Variants in RTTN observed in about 807,000 individuals in gnomAD.
RTTN encodes rotatin.
RTTN carries 182 observed loss-of-function variants against 269.2 expected under a neutral mutation model. The observed-to-expected ratio is 0.68, with a 90% CI of 0.60 to 0.76. The LOEUF (loss-of-function observed/expected upper bound fraction) is 0.76. RTTN is among the 30% of genes least tolerant of loss of function. The pLI is 0.00. For missense variants in RTTN, 2,545 were observed against 2,608.6 expected (o/e 0.98, Z 0.53); for synonymous variants, 1,006 against 963.5 (o/e 1.04, Z -0.82).
intron 17 of RTTN, among the ~76,000 whole-genome samples, chr18:70,146,126 T>C (rs543590522): frequency 6.6e-6 from 1 of 152,064 alleles, no homozygotes; most frequent in Non-Finnish European, 1.5e-5. Context: ...TTCTCCACCA[T>C]AAAAAGTATC....
rs1311164127 is a variant in RTTN at position 70,168,980 on chromosome 18, G to A, written c.1564C>T (p.His522Tyr). ...TCCAAATAGGCCACAACAGCTTCAT[G>A]AATATTTGGATATTCCAAAGAAATA... ...MPISLEYPNI[H>Y]EAVVAYLEQL... is the part of the protein sequence containing the mutation. Residue 522 changes from histidine to tyrosine, a missense_variant, in exon 12 of 49, where the codon CAT (histidine) becomes TAT (tyrosine). Physicochemically the swap from His to Tyr is moderately conservative, Grantham distance 83. Coordinates refer to ENST00000640769, the MANE Select transcript of RTTN (RefSeq NM_173630.4). 1.2e-6 allele frequency: 2 copies of A among 1,612,804 alleles called. No individual in the cohort carries two copies. Among genetic ancestry groups the A allele is most frequent in the Non-Finnish European group, 1.7e-6 (2 of 1,179,506 alleles).
chr18:70,073,926 G>C lies in RTTN; in HGVS notation c.4633C>G (p.Leu1545Val). The change falls in exon 34 of 49, where the codon CTC becomes GTC. Residue 1545 changes from leucine to valine, a missense_variant. Leu to Val is a conservative substitution (Grantham distance 32). Coordinates refer to ENST00000640769, the MANE Select transcript of RTTN (RefSeq NM_173630.4). The stretch of plus-strand genomic sequence containing the variant: ...AGTACCGTTGTTTCTGAGGTGGAGA[G>C]AGAACTTGGATCTCGATCCTGACTT... The part of the protein sequence containing the change: ...RTSQDRDPSS[L>V]STSETTVAPS... 6.2e-7 allele frequency: 1 copy of C among 1,611,346 alleles called. No homozygotes were observed. The highest frequency in any genetic ancestry group is 8.5e-7 in the Non-Finnish European group (1 of 1,177,958).
intron 46 of RTTN, among the ~76,000 whole-genome samples, chr18:70,017,149 G>A (rs1401347056): frequency 1.3e-5 from 2 of 152,090 alleles, no homozygotes; most frequent in African/African-American, 2.4e-5. Context: ...AGGCCAGGGA[G>A]CCCTCGTCCA....
intron 15 of RTTN, 42 bp downstream of exon 15, chr18:70,150,566 T>G: frequency 6.3e-7 from 1 of 1,587,500 alleles, no homozygotes; most frequent in Non-Finnish European, 8.6e-7. Context: ...TAGCTGAGTA[T>G]CTAAGTTACT....
chr18:70,024,625 C>A, intron 44 of RTTN, 97 bp downstream of exon 44: 1 of 1,145,782 alleles, frequency 8.7e-7, no homozygotes, highest in Non-Finnish European at 1.3e-6. Flanking sequence ...CAGAGAAATA[C>A]TTCAAAATAT....
At chr18:70,117,601 CA>C (rs2059633449) in intron 26 of RTTN, among the ~76,000 whole-genome samples, 2 of 151,954 alleles carry the variant, frequency 1.3e-5, no homozygotes, top group South Asian at 4.1e-4. Flanking sequence ...AAATCCTTTT[CA>C]AAAACTGCAT....
intron 47 of RTTN, 103 bp downstream of exon 47, chr18:70,006,278 T>C: frequency 1.3e-6 from 1 of 743,606 alleles, no homozygotes; most frequent in Admixed American, 2.5e-5. Flanking sequence ...TCTTTTTTCT[T>C]TTGCTGTAAC....
At chr18:70,203,717 G>A (rs758824192) in intron 3 of RTTN, among the ~76,000 whole-genome samples, 1 of 152,216 alleles carries the variant, frequency 6.6e-6, no homozygotes, top group Non-Finnish European at 1.5e-5. Flanking sequence ...AGCTAGGACA[G>A]ATATCATTAT....
chr18:70,188,521 T>G (rs2061598697), intron 9 of RTTN, among the ~76,000 whole-genome samples: 1 of 152,208 alleles, frequency 6.6e-6, no homozygotes. Flanking sequence ...TTTTCGAATT[T>G]AGGGACCATC....
At chr18:70,186,208 A>C (rs959418324) in intron 10 of RTTN, among the ~76,000 whole-genome samples, 1 of 152,198 alleles carries the variant, frequency 6.6e-6, no homozygotes, top group Admixed American at 6.5e-5. Context: ...GGATAAACAA[A>C]TTGTGGTATG....
rs748797094 is a variant in RTTN, at chr18:70,205,641, G to C, written c.18C>G (p.Leu6=). 8.1e-6 allele frequency: 13 copies of C among 1,614,006 alleles called. No individual in the cohort carries two copies. The Admixed American group carries it at 2.0e-4, about 25-fold the overall frequency. The change falls in exon 1 of 49, where the codon CTC becomes CTG. Residue 6 remains leucine (L), a synonymous_variant. Coordinates refer to ENST00000640769, the MANE Select transcript of RTTN (RefSeq NM_173630.4). MVLAG[L]IRKLGHQLAE... ...GCTGACAGTTACCGAGTTTCCTGAT[G>C]AGCCCTGCCAGGACCATCTCGTCCC...
intron 44 of RTTN, chr18:70,021,201 T>C (rs934563084): frequency 1.3e-5 from 2 of 159,132 alleles, no homozygotes; most frequent in Non-Finnish European, 2.7e-5. Flanking sequence ...AGGAACATAA[T>C]ATCCCTGGGA....
chr18:70,125,073 A>T (rs1334287433), intron 25 of RTTN, among the ~76,000 whole-genome samples: 1 of 151,842 alleles, frequency 6.6e-6, no homozygotes, highest in Non-Finnish European at 1.5e-5. Flanking sequence ...TAGCATACAC[A>T]TATAAAAACA....
intron 28 of RTTN, among the ~76,000 whole-genome samples, chr18:70,094,929 G>A (rs1284066915): frequency 6.6e-6 from 1 of 151,872 alleles, no homozygotes; most frequent in Non-Finnish European, 1.5e-5. Flanking sequence ...GTTATTGTGT[G>A]GAAATCTAAG....
intron 23 of RTTN, chr18:70,131,444 G>A (rs1312596907): frequency 6.6e-6 from 1 of 151,130 alleles, no homozygotes; most frequent in Non-Finnish European, 1.5e-5. Flanking sequence ...TGCATTGTCT[G>A]GGATGTGGTA....
intron 17 of RTTN, 62 bp from the exon 18 acceptor site, chr18:70,145,845 C>A: frequency 7.8e-7 from 1 of 1,279,866 alleles, no homozygotes; most frequent in Non-Finnish European, 1.1e-6. Context: ...TTTAAAAGGG[C>A]TTGTAATTAC....
intron 8 of RTTN, 40 bp downstream of exon 8, chr18:70,193,248 C>T (rs776577560): frequency 1.4e-5 from 22 of 1,538,538 alleles, no homozygotes; most frequent in East Asian, 2.4e-5. Context: ...ACAAGTTAAC[C>T]GGCATTTCTC....
intron 7 of RTTN, chr18:70,194,042 A>C (rs1471197444): frequency 6.6e-6 from 1 of 152,256 alleles, no homozygotes; most frequent in Non-Finnish European, 1.5e-5. Context: ...TATATCTGAT[A>C]AGGGTTTAAT....
In RTTN at chr18:70,039,398, T is replaced by C. The variant is rs139366941; in HGVS notation, c.5542-8417A>G. Among the ~76,000 whole-genome samples the C allele has an allele frequency of 8.5e-3, 1,273 of 150,110 alleles. 8 individuals are homozygous for C. The highest frequency in any genetic ancestry group is 0.052 in the Middle Eastern group (15 of 290). ...AGAGAGTGGCATGACATATTTCAAGTGCTGCAGGGAAAAAAAAAAAGAAAA... is the reference window on the plus strand; with the variant it reads ...AGAGAGTGGCATGACATATTTCAAGCGCTGCAGGGAAAAAAAAAAAGAAAA... On this transcript the variant is annotated intron_variant, in intron 40 of 48. Transcript: ENST00000640769.
Sources: gnomAD v4.1 joint callset for allele counts (sites outside exome capture counted in the v4.1 genomes callset) on GRCh38, gnomAD v4.1.1 for gene constraint, MANE v1.5 for transcripts, NCBI Gene and HGNC (gene_info 2026-07-23, HGNC 2026-07-21) for gene names.